Variants in TPRG1 observed in about 807,000 individuals in gnomAD.
The protein encoded by TPRG1 is tumor protein p63 regulated 1.
A neutral mutation model predicts 29.3 loss-of-function variants in TPRG1; 29 were observed. That is an observed-to-expected ratio of 0.99 (90% CI 0.74 to 1.35). TPRG1 has a LOEUF of 1.35. Among genes scored for constraint, TPRG1 ranks in the 40% most tolerant of loss-of-function variants. TPRG1 has a pLI of 0.00. For synonymous variants in TPRG1, 130 were observed against 116.8 expected (o/e 1.11, Z -0.73); for missense variants, 327 against 335.0 (o/e 0.98, Z 0.19).
At chr3:189,045,779 C>T (rs979366393) in intron 4 of TPRG1, among the ~76,000 whole-genome samples, 2 of 152,208 alleles carry the variant, frequency 1.3e-5, no homozygotes, top group African/African-American at 4.8e-5. Flanking sequence ...ATCACAGCAA[C>T]AAGGCCTGCA....
At chr3:189,089,847 A>G (rs1718219709) in intron 4 of TPRG1, among the ~76,000 whole-genome samples, 1 of 152,190 alleles carries the variant, frequency 6.6e-6, no homozygotes, top group Non-Finnish European at 1.5e-5. Context: ...TGGAGGGGAC[A>G]AACATTTAAA....
At chr3:189,172,437 C>T (rs1479163751) in intron 1 of TPRG1, among the ~76,000 whole-genome samples, 1 of 152,146 alleles carries the variant, frequency 6.6e-6, no homozygotes, top group East Asian at 1.9e-4. Flanking sequence ...CATTTGGTGG[C>T]TTAGTGAACT....
At chr3:189,219,438 C>G (rs1222789402) in intron 3 of TPRG1, 1 of 360,958 alleles carries the variant, frequency 2.8e-6, no homozygotes, top group Non-Finnish European at 4.6e-6. Flanking sequence ...TCATCCAGGA[C>G]TGTTATATAC....
intron 4 of TPRG1, among the ~76,000 whole-genome samples, chr3:189,289,452 G>C (rs1718634092): frequency 6.7e-6 from 1 of 148,398 alleles, no homozygotes; most frequent in Non-Finnish European, 1.5e-5. Flanking sequence ...TTTCCTGACT[G>C]TGATTCTATG....
At chr3:189,268,015 C>T (rs1455079036) in intron 4 of TPRG1, among the ~76,000 whole-genome samples, 1 of 152,080 alleles carries the variant, frequency 6.6e-6, no homozygotes, top group Non-Finnish European at 1.5e-5. Flanking sequence ...CTGAATATCA[C>T]CCTCTTGTGG....
chr3:189,210,267 A>C (rs1735063454), intron 2 of TPRG1, among the ~76,000 whole-genome samples: 1 of 152,230 alleles, frequency 6.6e-6, no homozygotes, highest in Non-Finnish European at 1.5e-5. Flanking sequence ...ACATCTATCA[A>C]CATTTTATAA....
chr3:189,255,831 C>T (rs1242464017), intron 4 of TPRG1, among the ~76,000 whole-genome samples: 12 of 152,200 alleles, frequency 7.9e-5, no homozygotes, highest in Admixed American at 7.9e-4. Context: ...ATAGTATTCT[C>T]TGATGGTAGT....
chr3:189,075,162 T>G (rs1175844580), intron 4 of TPRG1, among the ~76,000 whole-genome samples: 2 of 151,830 alleles, frequency 1.3e-5, no homozygotes, highest in African/African-American at 4.8e-5. Flanking sequence ...AGACGAAGTC[T>G]CAGTCTGTTG....
chr3:189,322,047 T>C lies in TPRG1; in HGVS notation c.*1227T>C, dbSNP rs149233573. ...TATGTTTGCATCTCTCAAGTTTCTT[T>C]TCTTTTTTCTTTCAGAGTCTTATTT... On this transcript the variant is annotated 3_prime_UTR_variant, in exon 6 of 6. Coordinates refer to ENST00000345063, the MANE Select transcript of TPRG1 (RefSeq NM_198485.4). The C allele has an allele frequency of 6.7e-5, 10 of 148,788 alleles. No homozygotes were observed. The highest frequency in any genetic ancestry group is 2.2e-4 in the African/African-American group (9 of 40,324). 9.2% of individuals were successfully genotyped at this position (148,788 alleles called of 1,614,324 possible).
Position 189,011,534 on chromosome 3 carries a change from A to G in TPRG1, c.-660+6774A>G, listed in dbSNP as rs928879747. 7.9e-5 allele frequency among the ~76,000 whole-genome samples: 12 copies of G among 152,296 alleles called. No homozygotes were observed. In the South Asian group the frequency reaches 8.3e-4, roughly 11 times the overall value. The stretch of plus-strand genomic sequence containing the variant: ...CAGAAGGCAAGGAGAAGCAAATCAA[A>G]TCTTACTTAGATGGTGGCAGGCAAA... On this transcript the variant is annotated intron_variant, in intron 3 of 10. Transcript: ENST00000433971.
intron 4 of TPRG1, among the ~76,000 whole-genome samples, chr3:189,247,506 T>C (rs941844914): frequency 6.6e-6 from 1 of 151,986 alleles, no homozygotes; most frequent in African/African-American, 2.4e-5. Flanking sequence ...TCTTGTTTTT[T>C]TGGTATGTAA....
At chr3:189,219,499 C>A (rs1736603684) in intron 3 of TPRG1, 3 of 921,130 alleles carry the variant, frequency 3.3e-6, no homozygotes, top group Non-Finnish European at 4.3e-6. Context: ...TTCCTATTAC[C>A]TTTCTTATTG....
chr3:189,149,168 C>T (rs1725627487), intron 4 of TPRG1, among the ~76,000 whole-genome samples: 1 of 152,144 alleles, frequency 6.6e-6, no homozygotes, highest in African/African-American at 2.4e-5. Context: ...TCTATATGAC[C>T]TGGTCCCTGG....
chr3:189,258,934 T>G (rs1327508265), intron 4 of TPRG1, among the ~76,000 whole-genome samples: 4 of 152,208 alleles, frequency 2.6e-5, no homozygotes, highest in Non-Finnish European at 5.9e-5. Context: ...CTTAGCTTGC[T>G]GGGCTCCATG....
chr3:189,148,923 G>A (rs1257778368), intron 4 of TPRG1, among the ~76,000 whole-genome samples: 2 of 152,190 alleles, frequency 1.3e-5, no homozygotes, highest in Non-Finnish European at 2.9e-5. Context: ...ACATGCGGAT[G>A]CCTTTGGGTA....
intron 5 of TPRG1, among the ~76,000 whole-genome samples, chr3:189,151,521 C>T (rs1725933872): frequency 6.6e-6 from 1 of 151,656 alleles, no homozygotes; most frequent in South Asian, 2.1e-4. Context: ...GAAAGAGAAA[C>T]CTAAAGAGTT....
intron 3 of TPRG1, among the ~76,000 whole-genome samples, chr3:189,139,000 ATG>A (rs760560304): frequency 2.6e-5 from 4 of 152,132 alleles, no homozygotes; most frequent in Non-Finnish European, 5.9e-5. Context: ...CCATGAGAAA[ATG>A]GACAAAAAAT....
At chr3:189,024,856 G>A (rs996884879) in intron 4 of TPRG1, among the ~76,000 whole-genome samples, 11 of 152,158 alleles carry the variant, frequency 7.2e-5, no homozygotes, top group Admixed American at 2.6e-4. Context: ...TTTCTCGTTC[G>A]GATCTTTGGA....
At chr3:189,165,863 A>G (rs1349930825) in intron 5 of TPRG1, among the ~76,000 whole-genome samples, 3 of 152,204 alleles carry the variant, frequency 2.0e-5, no homozygotes, top group Admixed American at 2.0e-4. Flanking sequence ...AGTGTTGCCA[A>G]TATGGAAAAT....
Sources: allele counts gnomAD v4.1 joint callset (sites outside exome capture counted in the v4.1 genomes callset), GRCh38; gene constraint gnomAD v4.1.1; transcripts MANE v1.5; gene names NCBI Gene and HGNC (gene_info 2026-07-23, HGNC 2026-07-21).